The following ABCA12 variants were observed in gnomAD, a reference collection of about 807,000 sequenced individuals.
ABCA12 encodes glucosylceramide transporter ABCA12.
A neutral mutation model predicts 293.5 loss-of-function variants in ABCA12; 156 were observed. That is an observed-to-expected ratio of 0.53 (90% CI 0.47 to 0.61). ABCA12 has a LOEUF of 0.61. Ranked by LOEUF, ABCA12 falls within the 20% of genes least tolerant of loss-of-function variation. ABCA12 has a pLI of 0.00. For missense variants in ABCA12, 2,797 were observed against 3,090.2 expected, an observed-to-expected ratio of 0.91 and a Z score of 2.25; for synonymous variants, 1,063 against 1,108.0, an observed-to-expected ratio of 0.96 and a Z score of 0.81.
intron 1 of ABCA12, 39 bp from the exon 2 acceptor site, chr2:215,111,729 T>C (rs1002850672): frequency 1.4e-5 from 21 of 1,497,538 alleles, no homozygotes; most frequent in Non-Finnish European, 2.0e-5. Flanking sequence ...AGTTTTATTG[T>C]TGAACCAAAG....
intron 19 of ABCA12, among the ~76,000 whole-genome samples, chr2:215,004,983 A>G (rs1700222297): frequency 6.6e-6 from 1 of 152,238 alleles, no homozygotes; most frequent in Non-Finnish European, 1.5e-5. Context: ...TTTAAAATAT[A>G]AAGGCCTTTA....
Position 214,978,861 on chromosome 2 carries a change from A to G in ABCA12, c.4920T>C (p.Asn1640=). The G allele has an allele frequency of 6.2e-7, 1 of 1,614,064 alleles. No individual in the cohort carries two copies. The highest frequency in any genetic ancestry group is 1.6e-4 in the Middle Eastern group (1 of 6,062). ...AYLSLLRALD[N]GMGDLNIGCY... The stretch of plus-strand genomic sequence containing the variant: ...ACCCGATGTTGAGGTCACCCATGCC[A>G]TTGTCGAGTGCCCGTAGGAGTGACA... The change falls in exon 32 of 53, where the codon AAT becomes AAC. Residue 1640 remains asparagine, a synonymous_variant. Transcript: ENST00000272895.
In ABCA12 at chr2:215,090,078, A is replaced by C. The variant is rs544668798; in HGVS notation, c.163+21519T>G. ...TGTGAAATTCCTTCTCCTGGCTCAGAAGCTCTCCCACTGAGCTTCCTTGTG... is the reference window on the plus strand; with the variant it reads ...TGTGAAATTCCTTCTCCTGGCTCAGCAGCTCTCCCACTGAGCTTCCTTGTG... On this transcript the variant is annotated intron_variant, in intron 2 of 52. Transcript: ENST00000272895. Among the ~76,000 whole-genome samples the C allele has an allele frequency of 5.9e-5, 9 of 152,286 alleles. No homozygotes were observed. The South Asian group carries it at 1.9e-3, about 32-fold the overall frequency.
intron 23 of ABCA12, among the ~76,000 whole-genome samples, chr2:214,993,227 T>G (rs1187746736): frequency 6.6e-6 from 1 of 152,152 alleles, no homozygotes; most frequent in African/African-American, 2.4e-5. Flanking sequence ...TCCCTAATGT[T>G]TTTCTCCTCC....
At chr2:214,971,274 T>G (rs553522793) in intron 36 of ABCA12, among the ~76,000 whole-genome samples, 2 of 152,316 alleles carry the variant, frequency 1.3e-5, no homozygotes, top group East Asian at 3.9e-4. Context: ...TCAAGTTATA[T>G]CAACATGAAG....
chr2:214,947,615 TAAATGGAAAAAAAAA>T lies in ABCA12; in HGVS notation c.7105-74_7105-60del, dbSNP rs1574931032. The T allele has an allele frequency of 1.9e-6, 3 of 1,578,850 alleles. No individual in the cohort carries two copies. The East Asian group carries it at 6.8e-5, about 36-fold the overall frequency. On this transcript the variant is annotated intron_variant, in intron 47 of 52. Coordinates refer to ENST00000272895, the MANE Select transcript of ABCA12 (RefSeq NM_173076.3). ...TCCTGTGCCAAAACCCTTAAAGCACTAAATGGAAAAAAAAAAGATGCTCATGAAAAGAAAATGTTA... is the reference window on the plus strand; with the variant it reads ...TCCTGTGCCAAAACCCTTAAAGCACTAGATGCTCATGAAAAGAAAATGTTA...
At chr2:214,937,781 A>C (rs918070681) in intron 50 of ABCA12, among the ~76,000 whole-genome samples, 166 bp from the exon 51 acceptor site, 1 of 152,170 alleles carries the variant, frequency 6.6e-6, no homozygotes, top group East Asian at 1.9e-4. Context: ...GCAAACTGGA[A>C]ATAGTGCACT....
intron 1 of ABCA12, among the ~76,000 whole-genome samples, chr2:215,118,265 G>A (rs1559204413): frequency 6.6e-6 from 1 of 152,190 alleles, no homozygotes; most frequent in East Asian, 1.9e-4. Context: ...AGCCGAGCAT[G>A]GTGGCACACG....
At chr2:214,977,373 A>C (rs1699541932) in intron 33 of ABCA12, among the ~76,000 whole-genome samples, 1 of 152,220 alleles carries the variant, frequency 6.6e-6, no homozygotes, top group African/African-American at 2.4e-5. Flanking sequence ...ATTCCCCAAA[A>C]GAAAAGAAAT....
intron 35 of ABCA12, among the ~76,000 whole-genome samples, chr2:214,974,527 G>T (rs970452663): frequency 6.6e-6 from 1 of 152,114 alleles, no homozygotes; most frequent in Admixed American, 6.6e-5. Flanking sequence ...TAATCCACAA[G>T]ATTGTGATAA....
At chr2:214,951,235 T>C in intron 44 of ABCA12, 152 bp from the exon 45 acceptor site, 1 of 751,690 alleles carries the variant, frequency 1.3e-6, no homozygotes, top group Non-Finnish European at 2.3e-6. Context: ...CTCAGATAAC[T>C]TAAATCAGTA....
chr2:215,082,801 C>T (rs1701968928), intron 2 of ABCA12: 1 of 152,170 alleles, frequency 6.6e-6, no homozygotes, highest in Admixed American at 6.5e-5. Flanking sequence ...AAGGGATCTC[C>T]TTTTCAATTA....
chr2:215,015,501 A>G lies in ABCA12; in HGVS notation c.1945T>C (p.Phe649Leu), dbSNP rs1559147380. The G allele has an allele frequency of 6.2e-7, 1 of 1,614,100 alleles. No individual in the cohort carries two copies. The highest frequency in any genetic ancestry group is 1.7e-5 in the Admixed American group (1 of 60,026). Residue 649 changes from phenylalanine to leucine, a missense_variant, in exon 15 of 53, where the codon TTC (phenylalanine) becomes CTC (leucine). Transcript: ENST00000272895. ...TLLHYLNIYN[F>L]TYKVFFPRKD... ...CAACAGCAACTTGCCTTGTATGTGA[A>G]GTTGTAAATGTTTAAGTAGTGCAGA...
chr2:215,046,900 A>G (rs1391964376), intron 6 of ABCA12, among the ~76,000 whole-genome samples: 1 of 152,170 alleles, frequency 6.6e-6, no homozygotes, highest in Non-Finnish European at 1.5e-5. Flanking sequence ...TCAGAAAAAA[A>G]GGAATGAGAT....
Position 214,946,609 on chromosome 2 carries a change from T to C in ABCA12, c.7239+813A>G, listed in dbSNP as rs181868410. 6.8e-3 allele frequency among the ~76,000 whole-genome samples: 1,036 copies of C among 152,268 alleles called. 29 individuals are homozygous for C. Among genetic ancestry groups the C allele is most frequent in the Admixed American group, 0.044 (675 of 15,276 alleles). ...TGGCAGTTGAAATGATTTGATCCACTGTATGACTTAATCCCTGGAATAATG... is the reference window on the plus strand; with the variant it reads ...TGGCAGTTGAAATGATTTGATCCACCGTATGACTTAATCCCTGGAATAATG... On this transcript the variant is annotated intron_variant, in intron 48 of 52. Transcript: ENST00000272895.
intron 48 of ABCA12, among the ~76,000 whole-genome samples, chr2:214,947,123 ATTTGAGTACCCTGAATTTG>A (rs1698606495): frequency 6.6e-6 from 1 of 152,146 alleles, no homozygotes; most frequent in African/African-American, 2.4e-5. Flanking sequence ...TAACTTACTC[ATTTGAGTACCCTGAATTTG>A]TTTCACTTCC....
chr2:215,098,273 A>G (rs1301955555), intron 2 of ABCA12, among the ~76,000 whole-genome samples: 2 of 152,324 alleles, frequency 1.3e-5, no homozygotes, highest in East Asian at 3.9e-4. Flanking sequence ...ACTGCTCTTG[A>G]AAAGACTATG....
At chr2:215,093,765 TC>T (rs1702196257) in intron 2 of ABCA12, among the ~76,000 whole-genome samples, 1 of 152,210 alleles carries the variant, frequency 6.6e-6, no homozygotes, top group Non-Finnish European at 1.5e-5. Flanking sequence ...CTGTACTCAC[TC>T]TTTGTTGAGT....
chr2:215,027,070 C>T lies in ABCA12; in HGVS notation c.1062-132G>A, dbSNP rs182686838. 35 of 672,870 alleles carry T rather than the reference C, an allele frequency of 5.2e-5. No homozygotes were observed. In the East Asian group the frequency reaches 8.4e-4, roughly 16 times the overall value. The allele number at this position is 672,870 out of a possible 1,614,324, so 41.7% of individuals were successfully genotyped here. A position where few individuals can be genotyped will look rare whatever the true frequency, so the allele number is the denominator to read the frequency against. On this transcript the variant is annotated intron_variant, in intron 9 of 52. Transcript: ENST00000272895. The stretch of plus-strand genomic sequence containing the variant: ...TTGAAATACTATGCAGTTGGCCGGG[C>T]GCGGTGGCTCACGCCTGTAATCCTA...
Sources: allele counts gnomAD v4.1 joint callset (sites outside exome capture counted in the v4.1 genomes callset), GRCh38; gene constraint gnomAD v4.1.1; transcripts MANE v1.5; gene names NCBI Gene and HGNC (gene_info 2026-07-23, HGNC 2026-07-21).